ENOX1: variants seen among roughly 807,000 people sequenced by gnomAD.
ENOX1 encodes the protein ecto-NOX disulfide-thiol exchanger 1.
A neutral mutation model predicts 82.5 loss-of-function variants in ENOX1; 42 were observed. The observed-to-expected ratio is 0.51, with a 90% CI of 0.40 to 0.66. The LOEUF is 0.66. Ranked by LOEUF, ENOX1 falls within the 30% of genes least tolerant of loss-of-function variation. The pLI is 0.00. For synonymous variants in ENOX1, 271 were observed against 282.2 expected (o/e 0.96, Z 0.40); for missense variants, 608 against 811.6 (o/e 0.75, Z 3.05).
intron 2 of ENOX1, among the ~76,000 whole-genome samples, chr13:43,504,012 A>C (rs931742919): frequency 2.6e-5 from 4 of 151,810 alleles, no homozygotes; most frequent in Admixed American, 2.6e-4. Flanking sequence ...ATAGCAAAAA[A>C]ATCCAATAAA....
intron 5 of ENOX1, among the ~76,000 whole-genome samples, chr13:43,366,135 G>T (rs1010792704): frequency 6.6e-6 from 1 of 152,144 alleles, no homozygotes; most frequent in African/African-American, 2.4e-5. Context: ...AACTATTAAA[G>T]TAATGCTCTT....
chr13:43,372,278 A>G, intron 5 of ENOX1, among the ~76,000 whole-genome samples: 1 of 152,236 alleles, frequency 6.6e-6, no homozygotes, highest in East Asian at 1.9e-4. Context: ...GATGACTTAC[A>G]TTTCACAGAT....
intron 2 of ENOX1, among the ~76,000 whole-genome samples, chr13:43,575,854 G>C (rs1390196661): frequency 1.3e-5 from 2 of 152,192 alleles, no homozygotes; most frequent in South Asian, 2.1e-4. Flanking sequence ...GGTGACAAGG[G>C]ATGATGTTCA....
At position 43,322,776 on chromosome 13, in the gene ENOX1, G is replaced by A. The variant is rs566576663; in HGVS notation, c.1144-275C>T. 4.7e-4 allele frequency among the ~76,000 whole-genome samples: 71 copies of A among 152,184 alleles called. No individual in the cohort carries two copies. In the South Asian group the frequency reaches 0.014, roughly 30 times the overall value. On this transcript the variant is annotated intron_variant, in intron 10 of 16. Coordinates refer to ENST00000690772, the MANE Select transcript of ENOX1 (RefSeq NM_001347969.2). ...CTCAATTTCCTCATTTGTACAAAGC[G>A]GATAATAACATCCACCTAATAGGGC... is the stretch of plus-strand genomic sequence containing the variant.
At chr13:43,246,746 G>C (rs1281557292) in intron 14 of ENOX1, among the ~76,000 whole-genome samples, 1 of 152,164 alleles carries the variant, frequency 6.6e-6, no homozygotes, top group Non-Finnish European at 1.5e-5. Context: ...ATGCAGGATT[G>C]GCTGGGCAGG....
At chr13:43,459,006 G>C (rs2057349299) in intron 3 of ENOX1, 1 of 152,074 alleles carries the variant, frequency 6.6e-6, no homozygotes, top group Admixed American at 6.5e-5. Context: ...ATGTTTCTCT[G>C]AGTTTCTACA....
chr13:43,702,272 A>G (rs1284069520), intron 1 of ENOX1, among the ~76,000 whole-genome samples: 2 of 152,236 alleles, frequency 1.3e-5, no homozygotes, highest in African/African-American at 4.8e-5. Flanking sequence ...GTTTAAATAG[A>G]TAGATAAATA....
chr13:43,569,939 A>C (rs2080103073), intron 2 of ENOX1, among the ~76,000 whole-genome samples: 1 of 152,190 alleles, frequency 6.6e-6, no homozygotes, highest in Admixed American at 6.5e-5. Context: ...TGTTCCCATA[A>C]ATATTTCTAT....
chr13:43,335,681 A>T (rs1235612439), intron 9 of ENOX1, among the ~76,000 whole-genome samples: 1 of 150,266 alleles, frequency 6.7e-6, no homozygotes, highest in Non-Finnish European at 1.5e-5. Context: ...TCTATCTTAC[A>T]TTTTGGTATT....
chr13:43,260,459 G>T (rs1368561322), intron 14 of ENOX1, among the ~76,000 whole-genome samples: 1 of 152,110 alleles, frequency 6.6e-6, no homozygotes, highest in African/African-American at 2.4e-5. Context: ...CAGAAACAAG[G>T]ACAGGAGGAG....
intron 12 of ENOX1, among the ~76,000 whole-genome samples, chr13:43,279,081 G>C (rs561098224): frequency 2.0e-3 from 300 of 152,272 alleles, no homozygotes; most frequent in African/African-American, 7.0e-3. Context: ...TTGGGCTAGG[G>C]GCTGGGGAGA....
chr13:43,473,763 A>C (rs547643164), intron 3 of ENOX1, among the ~76,000 whole-genome samples: 2 of 152,154 alleles, frequency 1.3e-5, no homozygotes, highest in South Asian at 4.1e-4. Context: ...TCCTCCCCTT[A>C]TCTCTCCTGT....
At chr13:43,712,112 A>T (rs1427900162) in intron 1 of ENOX1, among the ~76,000 whole-genome samples, 1 of 151,142 alleles carries the variant, frequency 6.6e-6, no homozygotes, top group African/African-American at 2.4e-5. Context: ...GGTGTAAGGA[A>T]GGGATCCAGT....
chr13:43,469,857 C>G (rs1320000525), intron 3 of ENOX1, among the ~76,000 whole-genome samples: 1 of 151,722 alleles, frequency 6.6e-6, no homozygotes, highest in Admixed American at 6.6e-5. Flanking sequence ...AGGCTTATAC[C>G]ATCTGACTTG....
At chr13:43,332,436 G>C (rs574002110) in intron 9 of ENOX1, among the ~76,000 whole-genome samples, 7 of 152,254 alleles carry the variant, frequency 4.6e-5, no homozygotes, top group Admixed American at 2.6e-4. Flanking sequence ...CCTGCTGTGC[G>C]GCCCAGTTCC....
chr13:43,763,153 AG>A (rs1421920772), intron 1 of ENOX1, among the ~76,000 whole-genome samples: 9 of 152,216 alleles, frequency 5.9e-5, no homozygotes, highest in Admixed American at 3.9e-4. Context: ...TAAGTGGAAG[AG>A]TTAGGCCTTG....
chr13:43,603,450 A>G (rs2081826890), intron 2 of ENOX1, among the ~76,000 whole-genome samples: 1 of 151,214 alleles, frequency 6.6e-6, no homozygotes, highest in South Asian at 2.1e-4. Flanking sequence ...GGTTAGTTAC[A>G]TATGTATAGA....
chr13:43,332,970 A>T (rs2048492870), intron 9 of ENOX1, among the ~76,000 whole-genome samples: 1 of 152,232 alleles, frequency 6.6e-6, no homozygotes, highest in African/African-American at 2.4e-5. Context: ...TCCATCCAGA[A>T]AATAAGGTTA....
intron 2 of ENOX1, among the ~76,000 whole-genome samples, chr13:43,511,179 GCT>G (rs1415087694): frequency 6.6e-6 from 1 of 152,072 alleles, no homozygotes; most frequent in Non-Finnish European, 1.5e-5. Flanking sequence ...GCAGCCTCAG[GCT>G]CTCTATCCAT....
Sources: gnomAD v4.1 joint callset for allele counts (sites outside exome capture counted in the v4.1 genomes callset) on GRCh38, gnomAD v4.1.1 for gene constraint, MANE v1.5 for transcripts, NCBI Gene and HGNC (gene_info 2026-07-23, HGNC 2026-07-21) for gene names.